ARHGAP28: variants seen among roughly 807,000 people sequenced by gnomAD.
ARHGAP28 encodes the protein Rho GTPase activating protein 28, also known as rho GTPase-activating protein 28.
A neutral mutation model predicts 90.7 loss-of-function variants in ARHGAP28; 56 were observed. That is an observed-to-expected ratio of 0.62 (90% CI 0.50 to 0.77). The LOEUF (loss-of-function observed/expected upper bound fraction) is 0.77, where lower values mean the gene tolerates loss of function less well. Among genes scored for constraint, ARHGAP28 ranks in the 30% least tolerant of loss-of-function variants. The pLI is 0.00. For synonymous variants in ARHGAP28, 308 were observed against 323.3 expected (o/e 0.95, Z 0.51); for missense variants, 869 against 900.9 (o/e 0.96, Z 0.45).
At chr18:6,745,428 G>A (rs1236076986) in intron 1 of ARHGAP28, among the ~76,000 whole-genome samples, 1 of 152,032 alleles carries the variant, frequency 6.6e-6, no homozygotes, top group East Asian at 1.9e-4. Context: ...AGACCTCCAG[G>A]ATTTCTGAAG....
intron 17 of ARHGAP28, among the ~76,000 whole-genome samples, chr18:6,909,753 G>A (rs1432482367): frequency 6.6e-6 from 1 of 151,962 alleles, no homozygotes; most frequent in African/African-American, 2.4e-5. Context: ...TTCCCTGGGG[G>A]AGCAGGGGAG....
At chr18:6,758,922 G>A (rs4798491) in intron 1 of ARHGAP28, among the ~76,000 whole-genome samples, 52,415 of 152,026 alleles carry the variant, frequency 0.34, 9,652 homozygotes, top group East Asian at 0.61. Flanking sequence ...GTGAAATAAT[G>A]TGGAACTTGT....
intron 1 of ARHGAP28, among the ~76,000 whole-genome samples, chr18:6,772,425 A>T (rs974995710): frequency 2.6e-5 from 4 of 152,202 alleles, no homozygotes; most frequent in Admixed American, 2.0e-4. Flanking sequence ...GGTTCGACTT[A>T]GGATCTTTTT....
intron 7 of ARHGAP28, among the ~76,000 whole-genome samples, chr18:6,872,454 G>A (rs979840973): frequency 1.3e-5 from 2 of 152,154 alleles, no homozygotes; most frequent in Non-Finnish European, 2.9e-5. Context: ...ATGAATGAAT[G>A]GGCAGATACT....
At chr18:6,784,438 A>G (rs1167048716) in intron 1 of ARHGAP28, among the ~76,000 whole-genome samples, 1 of 152,138 alleles carries the variant, frequency 6.6e-6, no homozygotes, top group Non-Finnish European at 1.5e-5. Flanking sequence ...GGGAAAGCCC[A>G]CAACTTTTCT....
chr18:6,792,327 A>G (rs1309121546), intron 1 of ARHGAP28, among the ~76,000 whole-genome samples: 1 of 152,162 alleles, frequency 6.6e-6, no homozygotes, highest in African/African-American at 2.4e-5. Context: ...TGCTCAATGA[A>G]TTTTTTCAAT....
At chr18:6,847,628 G>GGTGT (rs1447693665) in intron 3 of ARHGAP28, among the ~76,000 whole-genome samples, 1 of 65,638 alleles carries the variant, frequency 1.5e-5, no homozygotes, top group Non-Finnish European at 2.9e-5. Flanking sequence ...AGAGAGAGTG[G>GGTGT]GGGTGTGTGT....
At chr18:6,806,816 T>A (rs1361404650) in intron 1 of ARHGAP28, among the ~76,000 whole-genome samples, 1 of 152,134 alleles carries the variant, frequency 6.6e-6, no homozygotes, top group Non-Finnish European at 1.5e-5. Context: ...TGCTGAATCT[T>A]TCATCATTTT....
chr18:6,846,888 T>C (rs897754500), intron 3 of ARHGAP28, among the ~76,000 whole-genome samples: 4 of 152,106 alleles, frequency 2.6e-5, no homozygotes, highest in African/African-American at 9.7e-5. Context: ...TCACATGAAA[T>C]CGACAGCAGT....
At chr18:6,845,792 T>C (rs766789047) in intron 3 of ARHGAP28, among the ~76,000 whole-genome samples, 1 of 152,208 alleles carries the variant, frequency 6.6e-6, no homozygotes, top group Non-Finnish European at 1.5e-5. Flanking sequence ...CCATGGTATA[T>C]ATGTACCACT....
chr18:6,831,471 G>GTTTTTTTTTTTTTCTTTT (rs2056714337), intron 2 of ARHGAP28, among the ~76,000 whole-genome samples: 1 of 109,306 alleles, frequency 9.1e-6, no homozygotes, highest in African/African-American at 3.5e-5. Flanking sequence ...GTATCTTGAT[G>GTTTTTTTTTTTTTCTTTT]TTTTTTTTTT....
chr18:6,844,572 T>G (rs1046611766), intron 3 of ARHGAP28, among the ~76,000 whole-genome samples: 3 of 152,230 alleles, frequency 2.0e-5, no homozygotes, highest in Admixed American at 2.0e-4. Flanking sequence ...AACAAGTGAT[T>G]TATTGCACAA....
At chr18:6,908,907 A>G in intron 16 of ARHGAP28, 53 bp from the exon 17 acceptor site, 7 of 1,079,632 alleles carry the variant, frequency 6.5e-6, no homozygotes, top group Non-Finnish European at 9.8e-6. Context: ...ATGCATTTTT[A>G]CCTCAGATCA....
At chr18:6,853,736 A>G (rs2056929144) in intron 4 of ARHGAP28, among the ~76,000 whole-genome samples, 1 of 152,148 alleles carries the variant, frequency 6.6e-6, no homozygotes, top group African/African-American at 2.4e-5. Context: ...CGGCCTCCCA[A>G]AGTCCTGGGA....
At chr18:6,888,665 C>T (rs1235434589) in intron 12 of ARHGAP28, among the ~76,000 whole-genome samples, 1 of 152,102 alleles carries the variant, frequency 6.6e-6, no homozygotes, top group Non-Finnish European at 1.5e-5. Flanking sequence ...CATCTGTTAT[C>T]AAATATCTGA....
intron 1 of ARHGAP28, among the ~76,000 whole-genome samples, chr18:6,733,357 T>G (rs979402547): frequency 1.3e-5 from 2 of 152,202 alleles, no homozygotes; most frequent in African/African-American, 4.8e-5. Flanking sequence ...GCTGTGGCAT[T>G]TAAAATACTG....
intron 1 of ARHGAP28, among the ~76,000 whole-genome samples, chr18:6,734,719 A>G (rs2055911295): frequency 6.6e-6 from 1 of 152,196 alleles, no homozygotes; most frequent in Non-Finnish European, 1.5e-5. Context: ...CTTACTAAGC[A>G]TTTATGTAGG....
intron 1 of ARHGAP28, among the ~76,000 whole-genome samples, chr18:6,767,269 CTATCA>C (rs2056206985): frequency 6.6e-6 from 1 of 152,004 alleles, no homozygotes; most frequent in Non-Finnish European, 1.5e-5. Context: ...CTTTTTGCTG[CTATCA>C]TATATTTTAT....
chr18:6,832,586 G>A (rs1186644907), intron 2 of ARHGAP28, among the ~76,000 whole-genome samples: 2 of 151,964 alleles, frequency 1.3e-5, no homozygotes, highest in East Asian at 3.9e-4. Context: ...ATGTTATTGG[G>A]TGCATATACA....
Sources: gnomAD v4.1 joint callset for allele counts (sites outside exome capture counted in the v4.1 genomes callset) on GRCh38, gnomAD v4.1.1 for gene constraint, MANE v1.5 for transcripts, NCBI Gene and HGNC (gene_info 2026-07-23, HGNC 2026-07-21) for gene names.